ADGRF3: variants seen among roughly 807,000 people sequenced by gnomAD.
The protein encoded by ADGRF3 is G protein-coupled receptor 113.
In ADGRF3, 85 loss-of-function variants were observed where a neutral mutation model predicts 93.2. That is an observed-to-expected ratio of 0.91 (90% CI 0.77 to 1.09). ADGRF3 has a LOEUF of 1.09. Among genes scored for constraint, ADGRF3 ranks in the 50% least tolerant of loss-of-function variants. The pLI is 0.00. For missense variants in ADGRF3, 1,125 were observed against 1,246.2 expected (o/e 0.90, Z 1.46); for synonymous variants, 534 against 532.5 (o/e 1.00, Z -0.04).
chr2:26,327,688 T>TGAGAGAGAGAGAGATGGTGGGGTGGGGGC (rs1675512430), intron 1 of ADGRF3, among the ~76,000 whole-genome samples: 1 of 115,678 alleles, frequency 8.6e-6, no homozygotes, highest in Non-Finnish European at 1.6e-5. Context: ...AGAGAGCACA[T>TGAGAGAGAGAGAGATGGTGGGGTGGGGGC]GAGAGAGAGA....
intron 1 of ADGRF3, among the ~76,000 whole-genome samples, chr2:26,333,790 C>T (rs970853977): frequency 2.0e-5 from 3 of 152,054 alleles, no homozygotes; most frequent in African/African-American, 7.2e-5. Flanking sequence ...AGGGCTGTAC[C>T]TGTACAAGAA....
At chr2:26,337,071 G>T (rs1008217342) in intron 1 of ADGRF3, among the ~76,000 whole-genome samples, 2 of 152,218 alleles carry the variant, frequency 1.3e-5, no homozygotes, top group South Asian at 4.1e-4. Context: ...TTTTCATGAA[G>T]CCTACTTACT....
chr2:26,344,736 A>G (rs540194949), intron 1 of ADGRF3, among the ~76,000 whole-genome samples: 1 of 152,304 alleles, frequency 6.6e-6, no homozygotes, highest in South Asian at 2.1e-4. Context: ...GGGAGACGGA[A>G]GCAAGATCAC....
chr2:26,334,325 C>A (rs1467195915), intron 1 of ADGRF3, among the ~76,000 whole-genome samples: 1 of 151,790 alleles, frequency 6.6e-6, no homozygotes, highest in African/African-American at 2.4e-5. Flanking sequence ...AAAAACCACC[C>A]ACAATGCTTT....
chr2:26,324,495 G>C (rs1483393910), intron 1 of ADGRF3, among the ~76,000 whole-genome samples: 1 of 112,146 alleles, frequency 8.9e-6, no homozygotes, highest in Admixed American at 7.9e-5. Context: ...CCCTCTGAAA[G>C]GCCCCAGTGT....
chr2:26,335,717 T>G (rs1403309236), intron 1 of ADGRF3, among the ~76,000 whole-genome samples: 1 of 152,196 alleles, frequency 6.6e-6, no homozygotes, highest in Non-Finnish European at 1.5e-5. Flanking sequence ...ATTAATTTAC[T>G]ATAGTTTACA....
intron 2 of ADGRF3, 87 bp from the exon 3 acceptor site, chr2:26,317,142 T>C: frequency 3.6e-6 from 5 of 1,397,432 alleles, no homozygotes; most frequent in Non-Finnish European, 4.9e-6. Context: ...AGCTGGCCAG[T>C]CCCAGGAATG....
rs777096970 is a variant in ADGRF3, at chr2:26,311,734, A to G, written c.1790T>C (p.Leu597Pro). Reference sequence around the variant, plus strand: ...CCCTTGTCCATAGTTTGAGGGCAGAAGGTGGTCCAGTTTTCGCAGCACCAG... The same window carrying G: ...CCCTTGTCCATAGTTTGAGGGCAGAGGGTGGTCCAGTTTTCGCAGCACCAG... ...TSLVLRKLDH[L>P]LPSNYGQGLG... Residue 597 changes from leucine to proline, a missense_variant, in exon 10 of 14, where the codon CTT becomes CCT. By Grantham distance (98) the Leu-to-Pro change is moderately conservative (BLOSUM62 -3). Transcript: ENST00000651242. 2 of 1,613,480 alleles carry G rather than the reference A, an allele frequency of 1.2e-6. No individual in the cohort carries two copies. The highest frequency in any genetic ancestry group is 2.2e-5 in the East Asian group (1 of 44,884).
chr2:26,343,193 C>T (rs1490261262), intron 1 of ADGRF3, among the ~76,000 whole-genome samples: 1 of 152,020 alleles, frequency 6.6e-6, no homozygotes, highest in African/African-American at 2.4e-5. Flanking sequence ...CTTAAGGGAC[C>T]ACATGTGGTC....
intron 1 of ADGRF3, among the ~76,000 whole-genome samples, chr2:26,337,224 C>A (rs1676106631): frequency 6.6e-6 from 1 of 152,320 alleles, no homozygotes; most frequent in African/African-American, 2.4e-5. Context: ...ATTTCTCCTT[C>A]GTGACTCTGC....
In ADGRF3 at chr2:26,313,812, C is replaced by G. The variant is rs763621270; in HGVS notation, c.1020G>C (p.Gln340His). 1 of 1,614,018 alleles carries G rather than the reference C, an allele frequency of 6.2e-7. No individual in the cohort carries two copies. Among genetic ancestry groups the G allele is most frequent in the South Asian group, 1.1e-5 (1 of 91,082 alleles). Residue 340 changes from glutamine (Q) to histidine (H), a missense_variant, in exon 7 of 14, where the codon CAG becomes CAC. By Grantham distance (24) the Gln-to-His change is conservative (BLOSUM62 0). Transcript: ENST00000651242. Reference protein sequence around the residue: ...MADTTYACDLQSLGLAPLRVP... With the variant: ...MADTTYACDLHSLGLAPLRVP... ...CCCTGAGTGGAGCCAGGCCCAGGCT[C>G]TGCAGGTCACAAGCGTACGTGGTGT...
rs554603089 is a variant in ADGRF3 at position 26,311,031 on chromosome 2, A to G, written c.2493T>C (p.Gly831=). The change falls in exon 10 of 14, where the codon GGT becomes GGC. Residue 831 remains glycine (G), a synonymous_variant. Coordinates refer to ENST00000651242, the MANE Select transcript of ADGRF3 (RefSeq NM_001321971.2). ...LGYLCPLGLA[G]VTLGLYLPQG... The stretch of plus-strand genomic sequence containing the variant: ...GAGGTAGGTAGAGCCCCAGGGTGAC[A>G]CCTGCCAACCCCAGTGGGCACAGGT... The G allele has an allele frequency of 4.3e-6, 7 of 1,611,290 alleles. No homozygotes were observed. The South Asian group carries it at 7.7e-5, about 18-fold the overall frequency.
chr2:26,346,496 C>T lies in ADGRF3; in HGVS notation c.-262G>A, dbSNP rs912303878. 3 of 530,626 alleles carry T rather than the reference C, an allele frequency of 5.7e-6. No homozygotes were observed. The highest frequency in any genetic ancestry group is 4.1e-5 in the African/African-American group (2 of 49,230). The allele number at this position is 530,626 out of a possible 1,614,324, so 32.9% of individuals were successfully genotyped here. On this transcript the variant is annotated 5_prime_UTR_variant, in exon 1 of 14. Transcript: ENST00000651242. Reference sequence around the variant, plus strand: ...GCCCGCCGCCCGTAGTCGGCACCCCCCGGGAGATTTCCTTTTCCTTAGGAG... The same window carrying T: ...GCCCGCCGCCCGTAGTCGGCACCCCTCGGGAGATTTCCTTTTCCTTAGGAG...
intron 1 of ADGRF3, among the ~76,000 whole-genome samples, chr2:26,327,931 AC>A (rs1421357989): frequency 1.3e-5 from 2 of 152,046 alleles, no homozygotes; most frequent in Admixed American, 6.6e-5. Flanking sequence ...AAAGGTCTCC[AC>A]CCCTCAACAC....
At chr2:26,343,777 T>A (rs1349902932) in intron 1 of ADGRF3, among the ~76,000 whole-genome samples, 1 of 152,154 alleles carries the variant, frequency 6.6e-6, no homozygotes, top group Non-Finnish European at 1.5e-5. Flanking sequence ...GTACTGGGGC[T>A]AAGTGAAGTA....
intron 1 of ADGRF3, among the ~76,000 whole-genome samples, chr2:26,342,632 C>G (rs1011381605): frequency 2.6e-5 from 4 of 152,172 alleles, no homozygotes; most frequent in Non-Finnish European, 5.9e-5. Context: ...AATGCCTGAT[C>G]TTGAGTGTAC....
intron 1 of ADGRF3, 138 bp from the exon 2 acceptor site, chr2:26,317,700 G>T: frequency 1.3e-6 from 1 of 787,862 alleles, no homozygotes; most frequent in Non-Finnish European, 2.1e-6. Context: ...ACATCAGGAA[G>T]GGAAAGCAGG....
rs765350309 is a variant in ADGRF3, at chr2:26,311,696, G to A, written c.1828C>T (p.Leu610Phe). 16 of 1,613,334 alleles carry A rather than the reference G, an allele frequency of 9.9e-6. No homozygotes were observed. The highest frequency in any genetic ancestry group is 1.2e-5 in the Non-Finnish European group (14 of 1,179,774). ...SNYGQGLGDS[L>F]YATPGLVLVI... is the part of the protein sequence containing the mutation. Reference sequence around the variant, plus strand: ...AGGACCAGGCCAGGAGTGGCATAGAGGGAATCCCCCAGCCCTTGTCCATAG... The same window carrying A: ...AGGACCAGGCCAGGAGTGGCATAGAAGGAATCCCCCAGCCCTTGTCCATAG... The change falls in exon 10 of 14, where the codon CTC becomes TTC. Residue 610 changes from leucine to phenylalanine, a missense_variant. Transcript: ENST00000651242.
intron 1 of ADGRF3, among the ~76,000 whole-genome samples, chr2:26,332,988 G>C (rs532481876): frequency 6.6e-6 from 1 of 152,114 alleles, no homozygotes; most frequent in Non-Finnish European, 1.5e-5. Flanking sequence ...TTGTTTCTCC[G>C]ACAAGATAAA....
Sources: allele counts gnomAD v4.1 joint callset (sites outside exome capture counted in the v4.1 genomes callset), GRCh38; gene constraint gnomAD v4.1.1; transcripts MANE v1.5; gene names NCBI Gene and HGNC (gene_info 2026-07-23, HGNC 2026-07-21).